Variants in CCDC93 observed in about 807,000 individuals in gnomAD.
CCDC93 encodes the protein coiled-coil domain-containing protein 93.
Under a neutral mutation model 108.2 loss-of-function variants are expected in CCDC93, and 61 were observed. The ratio of observed to expected loss-of-function variants is 0.56; its 90% confidence interval spans 0.46 to 0.70. The LOEUF (loss-of-function observed/expected upper bound fraction) is 0.70. Among genes scored for constraint, CCDC93 ranks in the 30% least tolerant of loss-of-function variants. The probability of loss-of-function intolerance (pLI) is 0.00; values close to 1 mark genes in which losing one functional copy is unlikely to be tolerated. For synonymous variants in CCDC93, 276 were observed against 260.4 expected, an observed-to-expected ratio of 1.06 and a Z score of -0.58; for missense variants, 685 against 764.2, an observed-to-expected ratio of 0.90 and a Z score of 1.22.
chr2:117,934,350 C>T (rs1678452130), intron 22 of CCDC93, among the ~76,000 whole-genome samples: 1 of 152,144 alleles, frequency 6.6e-6, no homozygotes, highest in African/African-American at 2.4e-5. Flanking sequence ...CCTACTCATA[C>T]CCCAGGTCAC....
In CCDC93 at chr2:117,969,578, T is replaced by C. The variant is rs80341466; in HGVS notation, c.888+4330A>G. On this transcript the variant is annotated intron_variant, in intron 11 of 23. Coordinates refer to ENST00000376300, the MANE Select transcript of CCDC93 (RefSeq NM_019044.5). The stretch of plus-strand genomic sequence containing the variant: ...AGCCCCTGACGTCTGAAAGCTAGCC[T>C]GGTACTATTAGCAAGGCATTGATGT... 5.9e-3 allele frequency among the ~76,000 whole-genome samples: 896 copies of C among 152,358 alleles called. 3 individuals carry two copies. The highest frequency in any genetic ancestry group is 9.5e-3 in the African/African-American group (394 of 41,576).
intron 4 of CCDC93, 200 bp downstream of exon 4, chr2:118,000,621 A>C: frequency 2.0e-6 from 1 of 512,700 alleles, no homozygotes. Context: ...ATCAGGTGAC[A>C]GCATGAAACT....
At chr2:117,975,319 T>TGG (rs1285354977) in intron 8 of CCDC93, 39 bp from the exon 9 acceptor site, 1 of 1,441,974 alleles carries the variant, frequency 6.9e-7, no homozygotes, top group South Asian at 1.1e-5. Context: ...GCACGGGAGA[T>TGG]GGAGACTCAG....
At chr2:118,000,129 C>G (rs1262221573) in intron 4 of CCDC93, 1 of 152,216 alleles carries the variant, frequency 6.6e-6, no homozygotes, top group Non-Finnish European at 1.5e-5. Context: ...GCCATGCAGA[C>G]TTGCTCTCAT....
At chr2:117,980,898 G>C (rs1348920858) in intron 7 of CCDC93, among the ~76,000 whole-genome samples, 1 of 152,088 alleles carries the variant, frequency 6.6e-6, no homozygotes, top group East Asian at 1.9e-4. Context: ...TCTACCTTCT[G>C]TCTCTATGGA....
At chr2:117,984,206 T>C (rs901982833) in intron 7 of CCDC93, among the ~76,000 whole-genome samples, 1 of 151,866 alleles carries the variant, frequency 6.6e-6, no homozygotes, top group Admixed American at 6.6e-5. Flanking sequence ...AACATCTCTC[T>C]CCCACCCAAA....
intron 17 of CCDC93, among the ~76,000 whole-genome samples, chr2:117,945,293 G>A (rs1397843868): frequency 6.6e-6 from 1 of 152,214 alleles, no homozygotes; most frequent in African/African-American, 2.4e-5. Flanking sequence ...CAACATGCTT[G>A]TACACAGAAC....
chr2:117,986,037 G>A lies in CCDC93; in HGVS notation c.552C>T (p.Arg184=). 6.2e-7 allele frequency: 1 copy of A among 1,613,718 alleles called. No individual in the cohort carries two copies. Among genetic ancestry groups the A allele is most frequent in the Non-Finnish European group, 8.5e-7 (1 of 1,179,716 alleles). The change falls in exon 7 of 24, where the codon CGC becomes CGT. Residue 184 remains arginine (R), a synonymous_variant. Coordinates refer to ENST00000376300, the MANE Select transcript of CCDC93 (RefSeq NM_019044.5). ...EVYKPRRKYK[R]HQGAEELLDE... ...CAAGTAGCTCCTCTGCTCCCTGGTG[G>A]CGTTTGTATTTCCGACGGGGCTTGT...
intron 4 of CCDC93, chr2:117,997,822 T>C (rs557588269): frequency 2.0e-5 from 3 of 152,334 alleles, no homozygotes; most frequent in East Asian, 3.9e-4. Context: ...AGTTGGCTCA[T>C]TGCTCAACTC....
intron 4 of CCDC93, among the ~76,000 whole-genome samples, chr2:118,000,407 A>G (rs1680808342): frequency 6.6e-6 from 1 of 152,184 alleles, no homozygotes; most frequent in Non-Finnish European, 1.5e-5. Flanking sequence ...GGAACTAGCA[A>G]CGCAAAAGCA....
chr2:118,011,181 T>C (rs953563160), intron 1 of CCDC93, among the ~76,000 whole-genome samples: 1 of 140,238 alleles, frequency 7.1e-6, no homozygotes, highest in African/African-American at 2.7e-5. Flanking sequence ...TAATAAAATG[T>C]TTCAGTGATC....
intron 11 of CCDC93, among the ~76,000 whole-genome samples, chr2:117,959,013 A>C (rs1165892013): frequency 6.6e-6 from 1 of 152,172 alleles, no homozygotes; most frequent in Non-Finnish European, 1.5e-5. Flanking sequence ...GATTGATTGG[A>C]AAGGGATTAA....
intron 22 of CCDC93, among the ~76,000 whole-genome samples, chr2:117,931,998 A>C (rs1200468212): frequency 2.6e-5 from 4 of 152,196 alleles, no homozygotes; most frequent in Non-Finnish European, 4.4e-5. Context: ...AAACAGACAC[A>C]CAAAATATTC....
chr2:117,937,966 T>A (rs1156381045), intron 20 of CCDC93, among the ~76,000 whole-genome samples: 1 of 152,218 alleles, frequency 6.6e-6, no homozygotes, highest in African/African-American at 2.4e-5. Flanking sequence ...TACAGATGCC[T>A]CAATTTGGGT....
chr2:117,941,693 C>T (rs1321530473), intron 18 of CCDC93, among the ~76,000 whole-genome samples: 1 of 152,206 alleles, frequency 6.6e-6, no homozygotes, highest in Admixed American at 6.5e-5. Context: ...GCTATGCCAC[C>T]TTGCCGCCTC....
chr2:117,927,520 A>G (rs1387707659), intron 23 of CCDC93, among the ~76,000 whole-genome samples: 2 of 152,218 alleles, frequency 1.3e-5, no homozygotes, highest in African/African-American at 4.8e-5. Context: ...CAACTGCTTC[A>G]AAGAGAATAA....
intron 6 of CCDC93, among the ~76,000 whole-genome samples, chr2:117,995,046 GCA>G (rs1475936051): frequency 5.3e-5 from 8 of 152,078 alleles, no homozygotes; most frequent in African/African-American, 1.9e-4. Context: ...AGAGCTTCCC[GCA>G]CACAGCTCAG....
chr2:118,001,139 T>C, intron 3 of CCDC93: 1 of 460,916 alleles, frequency 2.2e-6, no homozygotes, highest in Non-Finnish European at 3.9e-6. Flanking sequence ...AAAACTGCCT[T>C]CATCCTTTAT....
intron 12 of CCDC93, among the ~76,000 whole-genome samples, chr2:117,955,894 A>T (rs559145904): frequency 6.6e-6 from 1 of 152,238 alleles, no homozygotes; most frequent in Non-Finnish European, 1.5e-5. Flanking sequence ...CAGGTTTGCC[A>T]GGAAACACAG....
Sources: gnomAD v4.1 joint callset for allele counts (sites outside exome capture counted in the v4.1 genomes callset) on GRCh38, gnomAD v4.1.1 for gene constraint, MANE v1.5 for transcripts, NCBI Gene and HGNC (gene_info 2026-07-23, HGNC 2026-07-21) for gene names.